The following MTAP variants were observed in gnomAD, a reference collection of about 807,000 sequenced individuals.
The protein encoded by MTAP is S-methyl-5'-thioadenosine phosphorylase.
MTAP carries 33 observed loss-of-function variants against 33.6 expected under a neutral mutation model. The observed-to-expected ratio is 0.98, with a 90% CI of 0.74 to 1.31. The LOEUF is 1.31. Ranked by LOEUF, MTAP falls within the 40% of genes most tolerant of loss-of-function variation. MTAP has a pLI of 0.00. For missense variants in MTAP, 367 were observed against 360.0 expected, an observed-to-expected ratio of 1.02 and a Z score of -0.16; for synonymous variants, 148 against 125.7, an observed-to-expected ratio of 1.18 and a Z score of -1.19.
chr9:21,811,222 G>T (rs1824337733), intron 1 of MTAP, among the ~76,000 whole-genome samples: 1 of 152,198 alleles, frequency 6.6e-6, no homozygotes, highest in African/African-American at 2.4e-5. Flanking sequence ...CCTTACGGCA[G>T]TGTGCCCAGG....
At chr9:21,923,036 T>A (rs1818814592) in intron 1 of MTAP, among the ~76,000 whole-genome samples, 1 of 152,228 alleles carries the variant, frequency 6.6e-6, no homozygotes, top group Non-Finnish European at 1.5e-5. Context: ...CCACACTGTC[T>A]ACCTCAGGGG....
chr9:21,860,127 A>G (rs1226241746), intron 7 of MTAP: 1 of 152,158 alleles, frequency 6.6e-6, no homozygotes, highest in East Asian at 1.9e-4. Flanking sequence ...GAGGATTTGA[A>G]AGGTTGATCT....
intron 4 of MTAP, among the ~76,000 whole-genome samples, chr9:21,825,840 G>C (rs1207767339): frequency 1.3e-5 from 2 of 152,152 alleles, no homozygotes; most frequent in African/African-American, 4.8e-5. Flanking sequence ...AAGCCATTCA[G>C]GTGTGAGGTG....
chr9:21,818,301 G>C, intron 4 of MTAP, 99 bp downstream of exon 4: 1 of 661,436 alleles, frequency 1.5e-6, no homozygotes, highest in Non-Finnish European at 2.5e-6. Flanking sequence ...GGAGGGCAGT[G>C]CCACAGACTC....
intron 1 of MTAP, among the ~76,000 whole-genome samples, chr9:21,889,253 C>T (rs527706704): frequency 6.6e-6 from 1 of 152,144 alleles, no homozygotes; most frequent in East Asian, 1.9e-4. Flanking sequence ...CTTTCTTCCA[C>T]TTGTTTGAGC....
chr9:21,821,882 A>G (rs888457935), intron 4 of MTAP, among the ~76,000 whole-genome samples: 1 of 152,140 alleles, frequency 6.6e-6, no homozygotes, highest in Non-Finnish European at 1.5e-5. Flanking sequence ...CCAGGAATTT[A>G]TCCATTTCTT....
intron 1 of MTAP, among the ~76,000 whole-genome samples, chr9:21,879,290 T>C (rs1193374403): frequency 6.6e-6 from 1 of 152,182 alleles, no homozygotes. Context: ...AATTGAACCC[T>C]TTACCATTAT....
chr9:21,813,440 G>A (rs147591995), intron 1 of MTAP, among the ~76,000 whole-genome samples: 152 of 152,338 alleles, frequency 1.0e-3, no homozygotes, highest in African/African-American at 3.5e-3. Flanking sequence ...GCAGCCAGGT[G>A]GTGCAGACTG....
chr9:21,921,040 CT>C (rs1157367530), intron 1 of MTAP, among the ~76,000 whole-genome samples: 2 of 152,068 alleles, frequency 1.3e-5, no homozygotes, highest in Non-Finnish European at 2.9e-5. Context: ...CTAGGCTTTT[CT>C]TTAATGGGAG....
downstream of MTAP, among the ~76,000 whole-genome samples, chr9:21,940,248 C>G (rs956954517): frequency 1.7e-4 from 26 of 152,160 alleles, no homozygotes; most frequent in African/African-American, 6.0e-4. Flanking sequence ...ATTTGAGACT[C>G]CTTATTAAAA....
chr9:21,941,066 TG>T, downstream of MTAP: 1 of 850,872 alleles, frequency 1.2e-6, no homozygotes, highest in Non-Finnish European at 1.4e-6. Flanking sequence ...AAACTCTGCA[TG>T]TATAATAGTT....
At chr9:21,806,894 T>A (rs1824221673) in intron 1 of MTAP, among the ~76,000 whole-genome samples, 1 of 152,150 alleles carries the variant, frequency 6.6e-6, no homozygotes, top group African/African-American at 2.4e-5. Context: ...CCAGGCGCGG[T>A]GGCTCATGCC....
At chr9:21,896,957 T>C (rs1468554190) in intron 1 of MTAP, among the ~76,000 whole-genome samples, 1 of 152,208 alleles carries the variant, frequency 6.6e-6, no homozygotes, top group African/African-American at 2.4e-5. Context: ...ATATCCCTGA[T>C]GAACATCGAT....
chr9:21,897,157 A>T (rs891618481), intron 1 of MTAP, among the ~76,000 whole-genome samples: 1 of 152,240 alleles, frequency 6.6e-6, no homozygotes, highest in Non-Finnish European at 1.5e-5. Context: ...AGATGCAGAA[A>T]AGGCCTTTGA....
intron 4 of MTAP, among the ~76,000 whole-genome samples, chr9:21,835,640 T>C (rs7045659): frequency 0.01 from 1,556 of 152,248 alleles, 26 homozygotes; most frequent in African/African-American, 0.036. Context: ...ATTTATCTGA[T>C]AGAGACCTTC....
At chr9:21,839,179 T>G (rs1002010754) in intron 5 of MTAP, among the ~76,000 whole-genome samples, 2 of 151,904 alleles carry the variant, frequency 1.3e-5, no homozygotes, top group Non-Finnish European at 2.9e-5. Context: ...CTTGGTTTTT[T>G]TTTTTTTTTA....
intron 5 of MTAP, among the ~76,000 whole-genome samples, chr9:21,838,638 C>T (rs577139267): frequency 4.6e-5 from 7 of 152,358 alleles, no homozygotes; most frequent in East Asian, 3.9e-4. Flanking sequence ...TTCTGTCTAC[C>T]ATTATAGCCA....
At chr9:21,855,189 T>G (rs1036015630) in intron 6 of MTAP, among the ~76,000 whole-genome samples, 1 of 152,216 alleles carries the variant, frequency 6.6e-6, no homozygotes, top group Non-Finnish European at 1.5e-5. Flanking sequence ...ATGCTACTGT[T>G]TTTTGTTTTC....
chr9:21,838,545 TA>T (rs2118330097), intron 5 of MTAP, among the ~76,000 whole-genome samples: 1 of 152,344 alleles, frequency 6.6e-6, no homozygotes, highest in African/African-American at 2.4e-5. Flanking sequence ...TTTTGTGAAT[TA>T]AATTACTATT....
Sources: allele counts gnomAD v4.1 joint callset (sites outside exome capture counted in the v4.1 genomes callset), GRCh38; gene constraint gnomAD v4.1.1; transcripts MANE v1.5; gene names NCBI Gene and HGNC (gene_info 2026-07-23, HGNC 2026-07-21).